The following UGGT1 variants were observed in gnomAD, a reference collection of about 807,000 sequenced individuals.
UGGT1 encodes UDP-glucose:glycoprotein glucosyltransferase 1.
UGGT1 carries 107 observed loss-of-function variants against 203.9 expected under a neutral mutation model. The observed-to-expected ratio is 0.52, with a 90% CI of 0.45 to 0.62. The LOEUF (loss-of-function observed/expected upper bound fraction) is 0.62. Ranked by LOEUF, UGGT1 falls within the 20% of genes least tolerant of loss-of-function variation. The pLI, the probability that UGGT1 is intolerant of heterozygous loss-of-function variation, is 0.00. For synonymous variants in UGGT1, 628 were observed against 653.5 expected (o/e 0.96, Z 0.59); for missense variants, 1,673 against 1,867.2 (o/e 0.90, Z 1.92).
chr2:128,157,193 T>G, intron 21 of UGGT1, 59 bp from the exon 22 acceptor site: 1 of 1,201,714 alleles, frequency 8.3e-7, no homozygotes, highest in Admixed American at 1.8e-5. Context: ...TTCAGAATGT[T>G]GAAACACAGA....
chr2:128,170,175 T>A (rs760675647), intron 26 of UGGT1, 113 bp from the exon 27 acceptor site: 157 of 808,478 alleles, frequency 1.9e-4, no homozygotes, highest in Non-Finnish European at 2.9e-4. Flanking sequence ...AGTCTAGTCT[T>A]TCTAGATCTA....
intron 16 of UGGT1, among the ~76,000 whole-genome samples, chr2:128,139,571 A>T (rs1014100309): frequency 1.6e-4 from 25 of 152,314 alleles, no homozygotes; most frequent in Admixed American, 3.9e-4. Flanking sequence ...AGCACTCAGC[A>T]GGGAAAGCTG....
chr2:128,143,040 C>A, intron 16 of UGGT1, 54 bp from the exon 17 acceptor site: 3 of 1,479,048 alleles, frequency 2.0e-6, no homozygotes, highest in Non-Finnish European at 9.0e-7. Flanking sequence ...GGAATAAACA[C>A]TTTGAAATTT....
chr2:128,182,073 A>G, intron 36 of UGGT1, 57 bp from the exon 37 acceptor site: 1 of 1,563,096 alleles, frequency 6.4e-7, no homozygotes, highest in East Asian at 2.3e-5. Context: ...ATCTGAAGGA[A>G]ACCGCATTAG....
intron 1 of UGGT1, among the ~76,000 whole-genome samples, chr2:128,093,825 C>G (rs1686981172): frequency 6.6e-6 from 1 of 152,184 alleles, no homozygotes; most frequent in Admixed American, 6.5e-5. Context: ...AGTGGAGATG[C>G]ATGCAGCATA....
rs533324681 is a variant in UGGT1, at chr2:128,093,240, G to C, written c.58+1825G>C. On this transcript the variant is annotated intron_variant, in intron 1 of 40. Coordinates refer to ENST00000259253, the MANE Select transcript of UGGT1 (RefSeq NM_020120.4). ...ACAGTGTAGGGGGATCTCGAGGCAGGCCACAGGTTCATAGGATTTTCATTT... is the reference window on the plus strand; with the variant it reads ...ACAGTGTAGGGGGATCTCGAGGCAGCCCACAGGTTCATAGGATTTTCATTT... Among the ~76,000 whole-genome samples, 25 of 120,764 alleles carry C rather than the reference G, an allele frequency of 2.1e-4. No homozygotes were observed. In the South Asian group the frequency reaches 7.0e-3, roughly 34 times the overall value. The allele number at this position is 120,764 out of a possible 152,430, so 79.2% of individuals were successfully genotyped here. A position where few individuals can be genotyped will look rare whatever the true frequency, so the allele number is the denominator to read the frequency against.
intron 1 of UGGT1, among the ~76,000 whole-genome samples, chr2:128,094,179 T>C (rs1046201492): frequency 1.1e-4 from 16 of 152,056 alleles, no homozygotes; most frequent in South Asian, 4.1e-4. Context: ...TAAACATAGC[T>C]AATAGCGTAA....
chr2:128,187,306 C>T, intron 39 of UGGT1, 143 bp from the exon 40 acceptor site: 1 of 840,970 alleles, frequency 1.2e-6, no homozygotes, highest in Non-Finnish European at 1.8e-6. Flanking sequence ...TAGCCCACTA[C>T]CATATTGCTT....
At chr2:128,178,392 C>T in intron 33 of UGGT1, 76 bp from the exon 34 acceptor site, 2 of 1,283,330 alleles carry the variant, frequency 1.6e-6, no homozygotes, top group South Asian at 2.8e-5. Flanking sequence ...AGCGCAGTCT[C>T]TTTCCTCTTA....
chr2:128,103,358 T>C (rs867267066), intron 2 of UGGT1, among the ~76,000 whole-genome samples: 2 of 152,198 alleles, frequency 1.3e-5, no homozygotes, highest in Non-Finnish European at 2.9e-5. Context: ...TAAGATGGCA[T>C]TAAGTTCTTG....
chr2:128,132,513 A>G (rs1688930389), intron 13 of UGGT1, among the ~76,000 whole-genome samples: 1 of 152,244 alleles, frequency 6.6e-6, no homozygotes, highest in African/African-American at 2.4e-5. Context: ...GCTCCACTGC[A>G]CTTCAGCCTC....
intron 26 of UGGT1, among the ~76,000 whole-genome samples, chr2:128,169,890 CCTTTTT>C (rs1691008770): frequency 6.6e-6 from 1 of 152,102 alleles, no homozygotes; most frequent in South Asian, 2.1e-4. Context: ...TTATATTTTT[CCTTTTT>C]CTTTGTTTTG....
intron 20 of UGGT1, 24 bp from the exon 21 acceptor site, chr2:128,156,368 T>A (rs372447248): frequency 6.4e-7 from 1 of 1,573,908 alleles, no homozygotes; most frequent in Non-Finnish European, 8.7e-7. Context: ...TTTTTTCTAC[T>A]CTTTTCTCTT....
chr2:128,180,391 T>C (rs1394760653), intron 35 of UGGT1, among the ~76,000 whole-genome samples: 2 of 152,236 alleles, frequency 1.3e-5, no homozygotes, highest in Admixed American at 6.5e-5. Context: ...ATATATTCAA[T>C]AACCATTCTC....
chr2:128,093,606 A>G (rs1686972018), intron 1 of UGGT1, among the ~76,000 whole-genome samples: 1 of 152,150 alleles, frequency 6.6e-6, no homozygotes. Flanking sequence ...GCCACTGAAA[A>G]TCCTTGGACT....
At chr2:128,183,315 CTG>C in intron 37 of UGGT1, among the ~76,000 whole-genome samples, 1 of 152,246 alleles carries the variant, frequency 6.6e-6, no homozygotes, top group East Asian at 1.9e-4. Context: ...CTGTAACACT[CTG>C]GGGTTTTCCC....
chr2:128,116,207 C>CTTACTAGTAACTAGTAA (rs1688093054), intron 7 of UGGT1, 58 bp from the exon 8 acceptor site: 1 of 1,141,020 alleles, frequency 8.8e-7, no homozygotes, highest in African/African-American at 1.6e-5. Flanking sequence ...AGACTAGTAA[C>CTTACTAGTAACTAGTAA]GTTTTTGTTT....
intron 18 of UGGT1, among the ~76,000 whole-genome samples, chr2:128,152,245 G>A (rs962057012): frequency 6.6e-6 from 1 of 151,770 alleles, no homozygotes; most frequent in African/African-American, 2.4e-5. Flanking sequence ...TTGGCTCACT[G>A]CAACCTCTGC....
chr2:128,097,322 C>A, intron 1 of UGGT1, 107 bp from the exon 2 acceptor site: 1 of 1,320,070 alleles, frequency 7.6e-7, no homozygotes, highest in Non-Finnish European at 1.0e-6. Context: ...GTTGCATGAG[C>A]CGAGATTGCA....
Sources: gnomAD v4.1 joint callset for allele counts (sites outside exome capture counted in the v4.1 genomes callset) on GRCh38, gnomAD v4.1.1 for gene constraint, MANE v1.5 for transcripts, NCBI Gene and HGNC (gene_info 2026-07-23, HGNC 2026-07-21) for gene names.